RPS6KC1: variants seen among roughly 807,000 people sequenced by gnomAD.
RPS6KC1 encodes the protein inactive ribosomal protein S6 kinase delta-1.
RPS6KC1 carries 54 observed loss-of-function variants against 103.8 expected under a neutral mutation model. The ratio of observed to expected loss-of-function variants is 0.52; its 90% confidence interval spans 0.42 to 0.65. The LOEUF (loss-of-function observed/expected upper bound fraction) is 0.65. Ranked by LOEUF, RPS6KC1 falls within the 30% of genes least tolerant of loss-of-function variation. RPS6KC1 has a pLI of 0.00. For missense variants in RPS6KC1, 1,151 were observed against 1,253.8 expected, an observed-to-expected ratio of 0.92 and a Z score of 1.24; for synonymous variants, 439 against 438.7, an observed-to-expected ratio of 1.00 and a Z score of -0.01.
chr1:213,054,017 G>A (rs2077148453), intron 1 of RPS6KC1, among the ~76,000 whole-genome samples: 1 of 151,912 alleles, frequency 6.6e-6, no homozygotes, highest in Admixed American at 6.6e-5. Flanking sequence ...TCTATTTTTT[G>A]TAGAGACGAG....
chr1:213,846,116 C>A, the RPS6KC1 span, among the ~76,000 whole-genome samples: 2 of 148,196 alleles, frequency 1.3e-5, no homozygotes, highest in Non-Finnish European at 3.0e-5. Context: ...CATGGTGAAA[C>A]CCCGTCTCAA....
the RPS6KC1 span, among the ~76,000 whole-genome samples, chr1:213,337,373 G>A: frequency 1.3e-5 from 2 of 152,144 alleles, no homozygotes; most frequent in Non-Finnish European, 2.9e-5. Context: ...ATGGTCTTGG[G>A]GATAGTTCTC....
At chr1:213,075,426 C>T (rs781504541) in intron 2 of RPS6KC1, among the ~76,000 whole-genome samples, 7 of 152,252 alleles carry the variant, frequency 4.6e-5, no homozygotes, top group South Asian at 2.1e-4. Context: ...CATCTCACTG[C>T]GTATGCTGAG....
At chr1:213,143,470 C>G (rs2087329411) in intron 6 of RPS6KC1, among the ~76,000 whole-genome samples, 1 of 151,512 alleles carries the variant, frequency 6.6e-6, no homozygotes. Flanking sequence ...GTATTCCTTT[C>G]TCATTCTACT....
chr1:213,610,462 G>A, the RPS6KC1 span, among the ~76,000 whole-genome samples: 23 of 152,272 alleles, frequency 1.5e-4, no homozygotes, highest in East Asian at 5.8e-4. Context: ...TTGCAAGAGC[G>A]AGGAGGAGAT....
At chr1:213,112,633 A>G (rs926960054) in intron 4 of RPS6KC1, among the ~76,000 whole-genome samples, 4 of 151,914 alleles carry the variant, frequency 2.6e-5, no homozygotes, top group African/African-American at 9.7e-5. Flanking sequence ...TTACATATGT[A>G]TACATGTGCC....
chr1:213,127,032 G>A (rs115746391), intron 5 of RPS6KC1, among the ~76,000 whole-genome samples: 3 of 152,100 alleles, frequency 2.0e-5, no homozygotes, highest in African/African-American at 4.8e-5. Flanking sequence ...ATAATGTTCA[G>A]TGGTGAATGC....
the RPS6KC1 span, among the ~76,000 whole-genome samples, chr1:213,858,830 A>G: frequency 4.6e-4 from 70 of 152,340 alleles, no homozygotes; most frequent in Non-Finnish European, 8.7e-4. Context: ...TGCCCCCTAC[A>G]GGAGGCTCAC....
downstream of RPS6KC1, among the ~76,000 whole-genome samples, chr1:213,275,849 G>C (rs2095111495): frequency 6.6e-6 from 1 of 152,090 alleles, no homozygotes; most frequent in Non-Finnish European, 1.5e-5. Flanking sequence ...TTTACCCTTT[G>C]ACCAACGTCT....
At chr1:213,384,218 G>A in the RPS6KC1 span, among the ~76,000 whole-genome samples, 1 of 152,052 alleles carries the variant, frequency 6.6e-6, no homozygotes, top group Non-Finnish European at 1.5e-5. Context: ...GGAGCTTGCC[G>A]TGAGCTGAGA....
the RPS6KC1 span, among the ~76,000 whole-genome samples, chr1:213,679,124 A>G: frequency 1.2e-3 from 189 of 152,304 alleles, 1 homozygote; most frequent in Non-Finnish European, 2.1e-3. Flanking sequence ...GGAAGTGAGA[A>G]CTTGCATTTT....
At chr1:213,161,257 G>A (rs189112228) in intron 6 of RPS6KC1, among the ~76,000 whole-genome samples, 1 of 152,200 alleles carries the variant, frequency 6.6e-6, no homozygotes, top group Admixed American at 6.5e-5. Flanking sequence ...TTGTTAGGGA[G>A]GATTTTCTCT....
the RPS6KC1 span, among the ~76,000 whole-genome samples, chr1:213,510,648 C>T: frequency 6.6e-6 from 1 of 152,210 alleles, no homozygotes; most frequent in African/African-American, 2.4e-5. Flanking sequence ...ATCCTGCACT[C>T]ACGGTCTCCA....
At chr1:213,200,152 A>C (rs2093103291) in intron 8 of RPS6KC1, among the ~76,000 whole-genome samples, 1 of 152,218 alleles carries the variant, frequency 6.6e-6, no homozygotes, top group African/African-American at 2.4e-5. Flanking sequence ...TTCATATGGA[A>C]CCAAAAAGGA....
At chr1:213,755,395 C>T in the RPS6KC1 span, among the ~76,000 whole-genome samples, 1 of 152,330 alleles carries the variant, frequency 6.6e-6, no homozygotes, top group East Asian at 1.9e-4. Flanking sequence ...AATAAATCCA[C>T]CATGTCCTGC....
the RPS6KC1 span, among the ~76,000 whole-genome samples, chr1:213,441,629 A>G: frequency 1.3e-5 from 2 of 152,242 alleles, no homozygotes; most frequent in African/African-American, 4.8e-5. Flanking sequence ...GTTATTGTAC[A>G]TAGTGCTGCG....
At chr1:213,664,834 A>T in the RPS6KC1 span, among the ~76,000 whole-genome samples, 2 of 152,198 alleles carry the variant, frequency 1.3e-5, no homozygotes, top group African/African-American at 4.8e-5. Flanking sequence ...AATGGTAAAA[A>T]ATGAATGAGA....
the RPS6KC1 span, among the ~76,000 whole-genome samples, chr1:213,490,000 G>A: frequency 1.3e-5 from 2 of 152,146 alleles, no homozygotes; most frequent in Non-Finnish European, 2.9e-5. Flanking sequence ...CAGGATAAGA[G>A]TTCTGGAAAT....
chr1:213,786,676 A>G, the RPS6KC1 span, among the ~76,000 whole-genome samples: 6 of 152,232 alleles, frequency 3.9e-5, no homozygotes, highest in Admixed American at 6.5e-5. Flanking sequence ...TGATGCATGC[A>G]TGAATGGATG....
Sources: allele counts gnomAD v4.1 joint callset (sites outside exome capture counted in the v4.1 genomes callset), GRCh38; gene constraint gnomAD v4.1.1; transcripts MANE v1.5; gene names NCBI Gene and HGNC (gene_info 2026-07-23, HGNC 2026-07-21).